LAMC2: variants seen among roughly 807,000 people sequenced by gnomAD.
LAMC2 encodes laminin subunit gamma-2.
LAMC2 carries 97 observed loss-of-function variants against 140.2 expected under a neutral mutation model. The ratio of observed to expected loss-of-function variants is 0.69; its 90% CI spans 0.59 to 0.82. The LOEUF is 0.82. LAMC2 is among the 40% of genes least tolerant of loss of function. The pLI is 0.00. For synonymous variants in LAMC2, 513 were observed against 540.2 expected, an observed-to-expected ratio of 0.95 and a Z score of 0.70; for missense variants, 1,402 against 1,476.1, an observed-to-expected ratio of 0.95 and a Z score of 0.82.
chr1:183,235,164 T>C (rs1659914155), intron 15 of LAMC2, among the ~76,000 whole-genome samples: 1 of 152,202 alleles, frequency 6.6e-6, no homozygotes, highest in Admixed American at 6.5e-5. Flanking sequence ...ATAGACATGC[T>C]TTGTCCCCCT....
At position 183,225,672 on chromosome 1, in the gene LAMC2, C is replaced by T. The variant is rs2102228212; in HGVS notation, c.1018C>T (p.Leu340=). The change falls in exon 8 of 23, where the codon CTG becomes TTG. Residue 340 remains leucine (L), a synonymous_variant. Coordinates refer to ENST00000264144, the MANE Select transcript of LAMC2 (RefSeq NM_005562.3). ...GAGTTACTTTGAGTATCGAAGGTTACTGCGGAATCTCACAGCCCTCCGCAT... is the reference window on the plus strand; with the variant it reads ...GAGTTACTTTGAGTATCGAAGGTTATTGCGGAATCTCACAGCCCTCCGCAT... ...QLSYFEYRRL[L]RNLTALRIRA... 4 of 1,614,010 alleles carry T rather than the reference C, an allele frequency of 2.5e-6. No homozygotes were observed. The highest frequency in any genetic ancestry group is 2.2e-5 in the East Asian group (1 of 44,888).
In LAMC2 at chr1:183,234,413, G is replaced by T. The variant is rs1456234103; in HGVS notation, c.2267G>T (p.Ser756Ile). 2 of 1,614,154 alleles carry T rather than the reference G, an allele frequency of 1.2e-6. No individual in the cohort carries two copies. The highest frequency in any genetic ancestry group is 1.7e-6 in the Non-Finnish European group (2 of 1,180,012). Residue 756 changes from serine to isoleucine, a missense_variant, in exon 15 of 23, where the codon AGT (serine) becomes ATT (isoleucine). By Grantham distance (142) the Ser-to-Ile change is moderately radical. Around this residue, in one of 3 missense-constraint regions of LAMC2, gnomAD observed 670 missense variants for 667.2 expected, o/e 1.00. Coordinates refer to ENST00000264144, the MANE Select transcript of LAMC2 (RefSeq NM_005562.3). ...DHYVGPNGFK[S>I]LAQEATRLAE... ...TACGTGGGGCCAAATGGCTTTAAAA[G>T]TCTGGCTCAGGAGGCCACAAGATTA...
the LAMC2 span, among the ~76,000 whole-genome samples, chr1:183,258,414 A>G: frequency 6.6e-6 from 1 of 152,170 alleles, no homozygotes; most frequent in Non-Finnish European, 1.5e-5. Context: ...AAGAGATCTA[A>G]CTTAACCGAC....
At chr1:183,240,503 A>G in intron 22 of LAMC2, 112 bp downstream of exon 22, 1 of 1,507,028 alleles carries the variant, frequency 6.6e-7, no homozygotes, top group Non-Finnish European at 8.9e-7. Context: ...CCTTAAGGAT[A>G]TCAGTAAATG....
chr1:183,219,895 G>A (rs1164168483), intron 4 of LAMC2, among the ~76,000 whole-genome samples: 3 of 152,180 alleles, frequency 2.0e-5, no homozygotes, highest in Non-Finnish European at 2.9e-5. Flanking sequence ...CCTCAGCCAT[G>A]TACCTGCTAT....
At position 183,227,588 on chromosome 1, in the gene LAMC2, G is replaced by A. The variant is rs778840063; in HGVS notation, c.1359G>A (p.Pro453=). 5.0e-6 allele frequency: 8 copies of A among 1,613,990 alleles called. No individual in the cohort carries two copies. In the Admixed American group the frequency reaches 5.0e-5, roughly 10 times the overall value. Residue 453 remains proline (P), a synonymous_variant, in exon 10 of 23, where the codon CCG becomes CCA. Coordinates refer to ENST00000264144, the MANE Select transcript of LAMC2 (RefSeq NM_005562.3). ...GCCCAATTGGTTTCTACAACGATCC[G>A]CACGACCCCCGCAGCTGCAAGCCAT... ...ADCPIGFYND[P]HDPRSCKPCP...
intron 2 of LAMC2, among the ~76,000 whole-genome samples, chr1:183,213,615 C>G (rs1188966515): frequency 6.6e-6 from 1 of 151,626 alleles, no homozygotes; most frequent in Non-Finnish European, 1.5e-5. Context: ...GCCTGGCCAA[C>G]ATGGTGAAAT....
At chr1:183,236,880 A>G (rs1237421242) in intron 17 of LAMC2, among the ~76,000 whole-genome samples, 1 of 152,204 alleles carries the variant, frequency 6.6e-6, no homozygotes, top group Non-Finnish European at 1.5e-5. Flanking sequence ...AACCTGTGGA[A>G]AATTTTTATA....
At chr1:183,256,129 C>T in the LAMC2 span, among the ~76,000 whole-genome samples, 8 of 151,832 alleles carry the variant, frequency 5.3e-5, no homozygotes, top group East Asian at 1.9e-4. Context: ...ATTGCCTTGC[C>T]GGGAGTGGTG....
At chr1:183,227,770 A>C in intron 10 of LAMC2, 73 bp downstream of exon 10, 1 of 1,333,870 alleles carries the variant, frequency 7.5e-7, no homozygotes, top group Non-Finnish European at 1.1e-6. Flanking sequence ...AATAGCTTCC[A>C]TTCCGAGGAA....
At position 183,215,555 on chromosome 1, in the gene LAMC2, CG is replaced by C; in HGVS notation, c.373del (p.Asp125MetfsTer11). 1 of 1,614,138 alleles carries C rather than the reference CG, an allele frequency of 6.2e-7. No individual in the cohort carries two copies. The highest frequency in any genetic ancestry group is 8.5e-7 in the Non-Finnish European group (1 of 1,180,018). ...TGTCTGCCAGGCTTCCACATGCTCA[CG>C]GATGCGGGGTGCACCCAAGACCAGA... ...DRCLPGFHML[T>X]DAGCTQDQRL... On this transcript the variant is annotated frameshift_variant, in exon 3 of 23. Coordinates refer to ENST00000264144, the MANE Select transcript of LAMC2 (RefSeq NM_005562.3). LOFTEE classifies it high-confidence loss of function.
chr1:183,208,983 G>GT (rs78166475), intron 2 of LAMC2, among the ~76,000 whole-genome samples: 16,948 of 129,912 alleles, frequency 0.13, 995 homozygotes, highest in African/African-American at 0.15. Flanking sequence ...CTGGCTAGTT[G>GT]TTTTTTTTTT....
chr1:183,225,614 T>A lies in LAMC2; in HGVS notation c.960T>A (p.Asn320Lys), dbSNP rs202028506. Residue 320 changes from asparagine to lysine, a missense_variant, in exon 8 of 23, where the codon AAT becomes AAA. Asn to Lys is a moderately conservative substitution (Grantham distance 94, BLOSUM62 0). Around this residue, in one of 3 missense-constraint regions of LAMC2, gnomAD observed 723 missense variants for 783.3 expected, o/e 0.92. Transcript: ENST00000264144. ...TTGATTTTAAATTATGCAGGTTAAA[T>A]GAGCATCCAAGCAATAATTGGAGCC... ...GLTKTYTFRL[N>K]EHPSNNWSPQ... 2.5e-6 allele frequency: 4 copies of A among 1,609,358 alleles called. No homozygotes were observed. The highest frequency in any genetic ancestry group is 1.7e-5 in the Admixed American group (1 of 59,998).
At chr1:183,231,685 TA>T (rs1659805184) in intron 12 of LAMC2, among the ~76,000 whole-genome samples, 1 of 152,276 alleles carries the variant, frequency 6.6e-6, no homozygotes. Flanking sequence ...ATGTTCTTGT[TA>T]ATTATTAACT....
the LAMC2 span, chr1:183,252,511 C>T: frequency 1.3e-6 from 1 of 749,358 alleles, no homozygotes; most frequent in Non-Finnish European, 2.4e-6. Context: ...GTCCCCCACA[C>T]TATGGGGGGT....
intron 3 of LAMC2, among the ~76,000 whole-genome samples, chr1:183,216,970 T>C (rs765836172): frequency 7.9e-5 from 12 of 152,282 alleles, no homozygotes; most frequent in Middle Eastern, 3.4e-3. Flanking sequence ...CGGTAGATGC[T>C]GAATACGTGT....
chr1:183,256,999 G>A, the LAMC2 span, among the ~76,000 whole-genome samples: 1 of 152,040 alleles, frequency 6.6e-6, no homozygotes, highest in Non-Finnish European at 1.5e-5. Flanking sequence ...TGATCGATCT[G>A]CCTTGGCCTC....
chr1:183,214,196 T>C (rs967831374), intron 2 of LAMC2, among the ~76,000 whole-genome samples: 1 of 152,064 alleles, frequency 6.6e-6, no homozygotes, highest in African/African-American at 2.4e-5. Context: ...ATATACACAT[T>C]AGTTGAACAG....
At chr1:183,217,281 G>A (rs1343795307) in intron 3 of LAMC2, among the ~76,000 whole-genome samples, 1 of 152,100 alleles carries the variant, frequency 6.6e-6, no homozygotes, top group Non-Finnish European at 1.5e-5. Flanking sequence ...ACAGAAGCAG[G>A]GATGGATGAG....
Sources: allele counts gnomAD v4.1 joint callset (sites outside exome capture counted in the v4.1 genomes callset), GRCh38; gene constraint gnomAD v4.1.1; regional missense constraint gnomAD v4.1.1; transcripts MANE v1.5; gene names NCBI Gene and HGNC (gene_info 2026-07-23, HGNC 2026-07-21).